OLFM2: variants seen among roughly 807,000 people sequenced by gnomAD.
OLFM2 encodes the protein noelin-2.
A neutral mutation model predicts 43.9 loss-of-function variants in OLFM2; 20 were observed. The observed-to-expected ratio is 0.46, with a 90% CI of 0.32 to 0.66. The LOEUF (loss-of-function observed/expected upper bound fraction) is 0.66. Among genes scored for constraint, OLFM2 ranks in the 30% least tolerant of loss-of-function variants. The pLI is 0.04. For missense variants in OLFM2, 416 were observed against 643.6 expected, an observed-to-expected ratio of 0.65 and a Z score of 3.83; for synonymous variants, 268 against 278.6, an observed-to-expected ratio of 0.96 and a Z score of 0.38.
chr19:9,900,945 GGGAAGGAAGGAAGGAA>G (rs762692609), intron 1 of OLFM2, among the ~76,000 whole-genome samples: 22 of 18,942 alleles, frequency 1.2e-3, no homozygotes, highest in African/African-American at 2.2e-3. Flanking sequence ...GGGAGGGAAG[GGGAAGGAAGGAAGGAA>G]GGAAGGAAGG....
intron 1 of OLFM2, among the ~76,000 whole-genome samples, chr19:9,922,765 G>A (rs1359706471): frequency 1.3e-5 from 2 of 151,550 alleles, no homozygotes; most frequent in Non-Finnish European, 2.9e-5. Context: ...AAAAAAATTC[G>A]CCAGGAGTGG....
chr19:9,925,187 G>A (rs1359432301), intron 1 of OLFM2, among the ~76,000 whole-genome samples: 9 of 152,058 alleles, frequency 5.9e-5, no homozygotes, highest in Admixed American at 3.9e-4. Flanking sequence ...AGTCCGGAAG[G>A]CGGAGGCTGC....
At chr19:9,866,073 C>G (rs923724718) in intron 1 of OLFM2, among the ~76,000 whole-genome samples, 42 of 152,294 alleles carry the variant, frequency 2.8e-4, no homozygotes, top group African/African-American at 9.9e-4. Context: ...TTAAGTGGTG[C>G]AGAGAGAAGG....
At chr19:9,878,882 G>A (rs747509483) in intron 1 of OLFM2, among the ~76,000 whole-genome samples, 7 of 151,944 alleles carry the variant, frequency 4.6e-5, no homozygotes, top group South Asian at 2.1e-4. Context: ...TTTGAGACTC[G>A]GTAGCCCAGG....
intron 1 of OLFM2, among the ~76,000 whole-genome samples, chr19:9,912,410 AG>A (rs1362473131): frequency 1.3e-5 from 2 of 152,074 alleles, no homozygotes; most frequent in Non-Finnish European, 2.9e-5. Flanking sequence ...GGGCTAAGCA[AG>A]GGAGGGTTGG....
chr19:9,936,486 C>A lies in OLFM2; in HGVS notation c.-120G>T, dbSNP rs1185263148. The stretch of plus-strand genomic sequence containing the variant: ...GGGCGACCCTGCGCCGCCGCCTCCC[C>A]CGCCTCGCCGGCGGCCGGGATTCCG... On this transcript the variant is annotated 5_prime_UTR_variant, in exon 1 of 6. Transcript: ENST00000264833. The A allele has an allele frequency of 1.7e-5, 12 of 703,464 alleles. No homozygotes were observed. The highest frequency in any genetic ancestry group is 1.9e-5 in the African/African-American group (1 of 51,498). The allele number at this position is 703,464 out of a possible 1,614,324, so 43.6% of individuals were successfully genotyped here. A position where few individuals can be genotyped will look rare whatever the true frequency, so the allele number is the denominator to read the frequency against.
chr19:9,866,682 C>T lies in OLFM2; in HGVS notation c.64-5888G>A, dbSNP rs567964237. Among the ~76,000 whole-genome samples, 92 of 151,650 alleles carry T rather than the reference C, an allele frequency of 6.1e-4. 1 individual carries two copies. Among genetic ancestry groups the T allele is most frequent in the African/African-American group, 2.2e-3 (92 of 41,356 alleles). On this transcript the variant is annotated intron_variant, in intron 1 of 5. Transcript: ENST00000264833. ...GACTGGCTATTTTTTTTGGTAGAGA[C>T]GGGGATCTCACTACATTTCCTAGGC...
At chr19:9,905,976 G>A (rs1251807746) in intron 1 of OLFM2, among the ~76,000 whole-genome samples, 6 of 152,108 alleles carry the variant, frequency 3.9e-5, no homozygotes, top group South Asian at 2.1e-4. Context: ...ACTCCAACAC[G>A]TCCCTTGGGT....
At chr19:9,888,411 C>A (rs560269000) in intron 1 of OLFM2, among the ~76,000 whole-genome samples, 2 of 146,338 alleles carry the variant, frequency 1.4e-5, no homozygotes, top group African/African-American at 5.0e-5. Flanking sequence ...GTAATCCCAG[C>A]TACTCGGGAG....
intron 1 of OLFM2, among the ~76,000 whole-genome samples, chr19:9,883,607 C>T (rs750040002): frequency 6.6e-6 from 1 of 152,102 alleles, no homozygotes; most frequent in Non-Finnish European, 1.5e-5. Flanking sequence ...ACTGCTCTGC[C>T]AGGTGGCAGG....
rs144472055 is a variant in OLFM2 at position 9,916,176 on chromosome 19, G to A, written c.63+20128C>T. Among the ~76,000 whole-genome samples, 875 of 152,168 alleles carry A rather than the reference G, an allele frequency of 5.8e-3. 33 individuals carry two copies. The highest frequency in any genetic ancestry group is 3.9e-3 in the East Asian group (20 of 5,166). On this transcript the variant is annotated intron_variant, in intron 1 of 5. Coordinates refer to ENST00000264833, the MANE Select transcript of OLFM2 (RefSeq NM_058164.4). ...GTTCGAGACCAGCCTGGCCAACATG[G>A]TAAAACCCTGTCTCTACTAAAAATA...
In OLFM2 at chr19:9,860,726, G is replaced by A; in HGVS notation, c.132C>T (p.Cys44=). 6.2e-7 allele frequency: 1 copy of A among 1,608,822 alleles called. No homozygotes were observed. Residue 44 remains cysteine, a synonymous_variant, in exon 2 of 6, where the codon TGC becomes TGT. Transcript: ENST00000264833. The stretch of plus-strand genomic sequence containing the variant: ...GCGCTGGGATCACGGCCGTGCAGAT[G>A]CATTTCCCGTCAGGGGCCTGGGCTG... The part of the protein sequence containing the change: ...YTSAQAPDGK[C]ICTAVIPAQS...
Position 9,936,393 on chromosome 19 carries a change from C to T in OLFM2, c.-27G>A, listed in dbSNP as rs1336344827. 2.9e-5 allele frequency: 39 copies of T among 1,363,694 alleles called. No individual in the cohort carries two copies. Among genetic ancestry groups the T allele is most frequent in the Non-Finnish European group, 3.3e-5 (35 of 1,058,924 alleles). 84.5% of individuals were successfully genotyped at this position (1,363,694 alleles called of 1,614,324 possible). A position where few individuals can be genotyped will look rare whatever the true frequency, so the allele number is the denominator to read the frequency against. ...ACGCGCCCCTAGCCCGGCGTCCCGACCCCCGCCCGCCCTAGCGGCGCCTCG... is the reference window on the plus strand; with the variant it reads ...ACGCGCCCCTAGCCCGGCGTCCCGATCCCCGCCCGCCCTAGCGGCGCCTCG... On this transcript the variant is annotated 5_prime_UTR_variant, in exon 1 of 6. Transcript: ENST00000264833.
intron 1 of OLFM2, among the ~76,000 whole-genome samples, chr19:9,905,011 C>A (rs528755369): frequency 6.6e-5 from 10 of 150,954 alleles, no homozygotes; most frequent in South Asian, 2.1e-4. Flanking sequence ...AGAGTGAGAC[C>A]CTGTCTTGGG....
intron 1 of OLFM2, among the ~76,000 whole-genome samples, chr19:9,899,561 TTTC>T (rs1413617217): frequency 6.6e-6 from 1 of 152,046 alleles, no homozygotes; most frequent in Non-Finnish European, 1.5e-5. Context: ...GTTCTTCTCT[TTTC>T]TTTTTTGAGA....
At chr19:9,894,601 C>T (rs1486539296) in intron 1 of OLFM2, among the ~76,000 whole-genome samples, 1 of 150,560 alleles carries the variant, frequency 6.6e-6, no homozygotes, top group Non-Finnish European at 1.5e-5. Context: ...CCCAGCTACT[C>T]GGGAGGCTGA....
intron 1 of OLFM2, among the ~76,000 whole-genome samples, chr19:9,930,938 AC>A (rs2145012128): frequency 6.6e-6 from 1 of 151,942 alleles, no homozygotes; most frequent in South Asian, 2.1e-4. Flanking sequence ...TGACCTGGGC[AC>A]CCCCATCCCA....
chr19:9,883,976 C>T (rs1568375169), intron 1 of OLFM2, among the ~76,000 whole-genome samples: 2 of 152,182 alleles, frequency 1.3e-5, no homozygotes, highest in East Asian at 3.9e-4. Flanking sequence ...CTTAAAATCA[C>T]AGTAGTCTTA....
At chr19:9,908,041 T>C (rs1465412718) in intron 1 of OLFM2, among the ~76,000 whole-genome samples, 5 of 151,936 alleles carry the variant, frequency 3.3e-5, no homozygotes, top group African/African-American at 9.7e-5. Context: ...ATTTTAAAAA[T>C]CTAAAGTCCC....
Sources: allele counts gnomAD v4.1 joint callset (sites outside exome capture counted in the v4.1 genomes callset), GRCh38; gene constraint gnomAD v4.1.1; transcripts MANE v1.5; gene names NCBI Gene and HGNC (gene_info 2026-07-23, HGNC 2026-07-21).